Variants in DNAAF11 observed in about 807,000 individuals in gnomAD.
DNAAF11 encodes the protein dynein axonemal assembly factor 11, also known as leucine rich repeat containing 6.
A neutral mutation model predicts 60.8 loss-of-function variants in DNAAF11; 45 were observed. The observed-to-expected ratio is 0.74, with a 90% CI of 0.58 to 0.95. The LOEUF (loss-of-function observed/expected upper bound fraction) is 0.95. Among genes scored for constraint, DNAAF11 ranks in the 40% least tolerant of loss-of-function variants. DNAAF11 has a pLI of 0.00. For synonymous variants in DNAAF11, 191 were observed against 183.5 expected, an observed-to-expected ratio of 1.04 and a Z score of -0.33; for missense variants, 546 against 546.2, an observed-to-expected ratio of 1.00 and a Z score of 0.00.
the DNAAF11 span, among the ~76,000 whole-genome samples, chr8:132,700,523 C>A: frequency 1.2e-3 from 162 of 135,232 alleles, no homozygotes; most frequent in East Asian, 1.7e-3. Flanking sequence ...CCCACCTCTA[C>A]AAAAAAAAAA....
At chr8:132,667,533 G>A (rs1458578724) in intron 1 of DNAAF11, among the ~76,000 whole-genome samples, 1 of 152,086 alleles carries the variant, frequency 6.6e-6, no homozygotes, top group Non-Finnish European at 1.5e-5. Flanking sequence ...ATATGCCAAG[G>A]CACAATATAA....
At chr8:132,670,800 A>G (rs1365667531) in intron 1 of DNAAF11, among the ~76,000 whole-genome samples, 3 of 152,218 alleles carry the variant, frequency 2.0e-5, no homozygotes, top group African/African-American at 7.2e-5. Flanking sequence ...TACGAGGTTG[A>G]TATAATGCTC....
chr8:132,575,054 C>T (rs1486219809), intron 11 of DNAAF11, among the ~76,000 whole-genome samples: 1 of 152,244 alleles, frequency 6.6e-6, no homozygotes, highest in East Asian at 1.9e-4. Flanking sequence ...AGTAAACCCA[C>T]AACCTGCTAG....
chr8:132,673,129 A>C (rs1825348504), intron 1 of DNAAF11, among the ~76,000 whole-genome samples: 1 of 152,182 alleles, frequency 6.6e-6, no homozygotes, highest in Admixed American at 6.5e-5. Flanking sequence ...TTCTCCACCC[A>C]CATCTTTCAA....
intron 10 of DNAAF11, among the ~76,000 whole-genome samples, chr8:132,594,857 A>C (rs1392384422): frequency 2.0e-5 from 3 of 152,156 alleles, no homozygotes; most frequent in Non-Finnish European, 4.4e-5. Context: ...TCTTTATAGC[A>C]GTGTGAGAAC....
At chr8:132,676,463 A>C (rs1825764491), upstream of DNAAF11, among the ~76,000 whole-genome samples, 1 of 152,236 alleles carries the variant, frequency 6.6e-6, no homozygotes, top group Non-Finnish European at 1.5e-5. Context: ...TGTAAAAGGT[A>C]AAACCTTCTC....
intron 10 of DNAAF11, among the ~76,000 whole-genome samples, chr8:132,587,787 AT>A (rs1816053641): frequency 6.6e-6 from 1 of 152,212 alleles, no homozygotes; most frequent in African/African-American, 2.4e-5. Context: ...CATTTTAATA[AT>A]GTTACATTAT....
At chr8:132,694,265 G>A in the DNAAF11 span, among the ~76,000 whole-genome samples, 1 of 152,198 alleles carries the variant, frequency 6.6e-6, no homozygotes, top group Non-Finnish European at 1.5e-5. Context: ...TGTGGACTCA[G>A]TTGTGTCCTC....
chr8:132,618,378 T>C (rs1819398914), intron 7 of DNAAF11, among the ~76,000 whole-genome samples: 2 of 109,732 alleles, frequency 1.8e-5, no homozygotes, highest in African/African-American at 3.6e-5. Context: ...ATTCAGGACA[T>C]AGGCATGGGC....
At chr8:132,685,691 G>A in the DNAAF11 span, among the ~76,000 whole-genome samples, 1 of 152,328 alleles carries the variant, frequency 6.6e-6, no homozygotes, top group Non-Finnish European at 1.5e-5. Context: ...CCAGCTTAGA[G>A]AGAATCGTAT....
chr8:132,642,827 G>A (rs1821990079), intron 3 of DNAAF11, among the ~76,000 whole-genome samples: 2 of 152,202 alleles, frequency 1.3e-5, no homozygotes, highest in South Asian at 4.1e-4. Flanking sequence ...CTAAATGGAT[G>A]AGTTGGGATT....
At chr8:132,655,046 A>G (rs951855879) in intron 3 of DNAAF11, among the ~76,000 whole-genome samples, 6 of 151,996 alleles carry the variant, frequency 3.9e-5, no homozygotes, top group Non-Finnish European at 5.9e-5. Flanking sequence ...GAACACTCAA[A>G]TTTAGTAAAT....
chr8:132,660,343 ATTT>A (rs1389448296), intron 2 of DNAAF11, among the ~76,000 whole-genome samples: 2 of 152,088 alleles, frequency 1.3e-5, no homozygotes, highest in African/African-American at 2.4e-5. Context: ...TAAGCATATC[ATTT>A]CATGTAATCC....
chr8:132,583,414 A>C (rs1815538523), intron 11 of DNAAF11, among the ~76,000 whole-genome samples: 1 of 152,194 alleles, frequency 6.6e-6, no homozygotes, highest in South Asian at 2.1e-4. Context: ...CCTGACACGA[A>C]GCAAGCACTT....
At chr8:132,645,475 G>A (rs1428166422) in intron 3 of DNAAF11, among the ~76,000 whole-genome samples, 2 of 152,192 alleles carry the variant, frequency 1.3e-5, no homozygotes, top group Non-Finnish European at 2.9e-5. Flanking sequence ...GAACAAAGCT[G>A]GACGGAGAAT....
At chr8:132,618,204 C>T (rs1477913822) in intron 7 of DNAAF11, among the ~76,000 whole-genome samples, 54 of 148,552 alleles carry the variant, frequency 3.6e-4, no homozygotes, top group African/African-American at 1.2e-3. Flanking sequence ...GGAAAGGATT[C>T]CCTATTTAAT....
At chr8:132,578,469 C>G (rs1235856044) in intron 11 of DNAAF11, 1 of 1,533,890 alleles carries the variant, frequency 6.5e-7, no homozygotes, top group Non-Finnish European at 8.7e-7. Flanking sequence ...CTGGTCTTAC[C>G]CACGACCTGA....
chr8:132,616,951 A>G (rs1255072686), intron 7 of DNAAF11, among the ~76,000 whole-genome samples: 1 of 152,146 alleles, frequency 6.6e-6, no homozygotes, highest in African/African-American at 2.4e-5. Flanking sequence ...CTGATTGGCT[A>G]CTGTTGACAT....
At chr8:132,628,877 T>C (rs1820533669) in intron 5 of DNAAF11, among the ~76,000 whole-genome samples, 2 of 152,290 alleles carry the variant, frequency 1.3e-5, no homozygotes, top group Non-Finnish European at 2.9e-5. Context: ...CCAAGGATAG[T>C]AAATTATCTC....
Sources: gnomAD v4.1 joint callset for allele counts (sites outside exome capture counted in the v4.1 genomes callset) on GRCh38, gnomAD v4.1.1 for gene constraint, MANE v1.5 for transcripts, NCBI Gene and HGNC (gene_info 2026-07-23, HGNC 2026-07-21) for gene names.